The following KMT2A variants were observed in gnomAD, a reference collection of about 807,000 sequenced individuals.
KMT2A encodes the protein histone-lysine N-methyltransferase 2A.
KMT2A carries 16 observed loss-of-function variants against 345.3 expected under a neutral mutation model. That is an observed-to-expected ratio of 0.05 (90% CI 0.03 to 0.07). KMT2A has a LOEUF of 0.07. Ranked by LOEUF, KMT2A falls within the 10% of genes least tolerant of loss-of-function variation. The pLI is 1.00. For missense variants in KMT2A, 3,272 were observed against 4,841.6 expected, an observed-to-expected ratio of 0.68 and a Z score of 9.62; for synonymous variants, 1,599 against 1,778.6, an observed-to-expected ratio of 0.90 and a Z score of 2.54.
intron 1 of KMT2A, among the ~76,000 whole-genome samples, chr11:118,451,737 C>T (rs1555029002): frequency 6.6e-6 from 1 of 151,696 alleles, no homozygotes; most frequent in Non-Finnish European, 1.5e-5. Flanking sequence ...AGCAGTCGTC[C>T]TGCCTTGACC....
Position 118,436,718 on chromosome 11 carries a change from G to A in KMT2A, c.206G>A (p.Ser69Asn), listed in dbSNP as rs1361403705. The A allele has an allele frequency of 1.4e-5, 20 of 1,403,372 alleles. No individual in the cohort carries two copies. The highest frequency in any genetic ancestry group is 2.5e-5 in the Admixed American group (1 of 39,608). 86.9% of individuals were successfully genotyped at this position (1,403,372 alleles called of 1,614,324 possible). The change falls in exon 1 of 36, where the codon AGC becomes AAC. Residue 69 changes from serine (S) to asparagine (N), a missense_variant. By Grantham distance (46) the Ser-to-Asn change is conservative. Transcript: ENST00000534358. The surrounding 1 kb of genome is among the most constrained non-coding windows in gnomAD (Gnocchi z 6.9). ...AVAAAAAAAG[S>N]SGAGVPGGAA... ...GCGGCCGCGGCGGCGGCGGCGGGAA[G>A]CAGCGGGGCTGGGGTTCCAGGGGGA...
rs1273831305 is a variant in KMT2A at position 118,525,229 on chromosome 11, C to A, written c.*3057C>A. ...TTCCCAAGAATCCCCCAAGGGGCAT[C>A]CCAAATCCCTGAGGAGTAACAGCTG... On this transcript the variant is annotated 3_prime_UTR_variant, in exon 36 of 36. Coordinates refer to ENST00000534358, the MANE Select transcript of KMT2A (RefSeq NM_001197104.2). 4.3e-6 allele frequency: 1 copy of A among 231,622 alleles called. No individual in the cohort carries two copies. The allele number at this position is 231,622 out of a possible 1,614,324, so 14.3% of individuals were successfully genotyped here.
intron 1 of KMT2A, among the ~76,000 whole-genome samples, chr11:118,454,008 C>T (rs1203941763): frequency 6.6e-6 from 1 of 152,164 alleles, no homozygotes; most frequent in East Asian, 1.9e-4. Context: ...CACATCTATC[C>T]CATCAGCAAA....
intron 30 of KMT2A, among the ~76,000 whole-genome samples, chr11:118,511,329 G>GATGACCCTAAAT (rs1233123516): frequency 6.6e-6 from 1 of 152,168 alleles, no homozygotes; most frequent in East Asian, 1.9e-4. Flanking sequence ...TGACCCTAAA[G>GATGACCCTAAAT]ATTCAGGCCT....
In KMT2A at chr11:118,487,615, A is replaced by C. The variant is rs940887406; in HGVS notation, c.4333-999A>C. ...CCTGTAGATACACATGTATCTAAAA[A>C]TTTGAGAACAAGTTGCAGACATAAA... On this transcript the variant is annotated intron_variant, in intron 10 of 35. Transcript: ENST00000534358. Among the ~76,000 whole-genome samples, 13 of 152,342 alleles carry C rather than the reference A, an allele frequency of 8.5e-5. 1 individual carries two copies. The South Asian group carries it at 2.5e-3, about 29-fold the overall frequency.
In KMT2A at chr11:118,500,025, A is replaced by G. The variant is rs538394110; in HGVS notation, c.6158+112A>G. The G allele has an allele frequency of 1.0e-5, 7 of 675,742 alleles. No homozygotes were observed. In the African/African-American group the frequency reaches 1.3e-4, roughly 12 times the overall value. 41.9% of individuals were successfully genotyped at this position (675,742 alleles called of 1,614,324 possible). The stretch of plus-strand genomic sequence containing the variant: ...CTGTTAGCTACTTTAAACTGCTACT[A>G]AAAATTAATCACTTATTTTGCTAGT... On this transcript the variant is annotated intron_variant, in intron 24 of 35. Transcript: ENST00000534358.
At chr11:118,469,711 C>T (rs563537718) in intron 2 of KMT2A, among the ~76,000 whole-genome samples, 3 of 152,298 alleles carry the variant, frequency 2.0e-5, no homozygotes, top group African/African-American at 7.2e-5. Flanking sequence ...TGTGGATAGA[C>T]ACTCCAGCTA....
rs961670105 is a variant in KMT2A at position 118,505,449 on chromosome 11, G to C, written c.9557G>C (p.Gly3186Ala). Residue 3186 changes from glycine (G) to alanine (A), a missense_variant, in exon 27 of 36, where the codon GGC becomes GCC. Physicochemically the swap from Gly to Ala is moderately conservative, Grantham distance 60. Around this residue, in one of 27 missense-constraint regions of KMT2A, gnomAD observed 748 missense variants for 922.2 expected, o/e 0.81. Coordinates refer to ENST00000534358, the MANE Select transcript of KMT2A (RefSeq NM_001197104.2). The surrounding 1 kb of genome is among the most constrained non-coding windows in gnomAD (Gnocchi z 4.6). ...CCAAACATCAGCAATCCTCCTTCAG[G>C]CCTGCTTATTGGGGTTCAGCCTCCT... ...FPPNISNPPS[G>A]LLIGVQPPPD... 2 of 1,614,096 alleles carry C rather than the reference G, an allele frequency of 1.2e-6. 1 individual carries two copies. The highest frequency in any genetic ancestry group is 1.7e-6 in the Non-Finnish European group (2 of 1,180,032).
rs1555047359 is a variant in KMT2A at position 118,504,703 on chromosome 11, G to A, written c.8811G>A (p.Leu2937=). ...AGCTACCATCTGATCTGTCTGTCTTGACCACCCGGAGTCCCACTGTCCCCA... is the reference window on the plus strand; with the variant it reads ...AGCTACCATCTGATCTGTCTGTCTTAACCACCCGGAGTCCCACTGTCCCCA... ...PLELPSDLSV[L]TTRSPTVPSQ... The change falls in exon 27 of 36, where the codon TTG becomes TTA. Residue 2937 remains leucine (L), a synonymous_variant. Coordinates refer to ENST00000534358, the MANE Select transcript of KMT2A (RefSeq NM_001197104.2). The surrounding 1 kb of genome is among the most constrained non-coding windows in gnomAD (Gnocchi z 6.4). The A allele has an allele frequency of 6.2e-7, 1 of 1,614,084 alleles. No individual in the cohort carries two copies. Among genetic ancestry groups the A allele is most frequent in the East Asian group, 2.2e-5 (1 of 44,876 alleles).
At position 118,521,322 on chromosome 11, in the gene KMT2A, A is replaced by C. The variant is rs782253584; in HGVS notation, c.11548A>C (p.Arg3850=). 15 of 1,614,090 alleles carry C rather than the reference A, an allele frequency of 9.3e-6. No homozygotes were observed. The South Asian group carries it at 1.3e-4, about 14-fold the overall frequency. ...PIHGRGLFCK[R]NIDAGEMVIE... is the part of the protein sequence containing the mutation. ...CCATGGCCGGGGTCTTTTCTGTAAG[A>C]GAAACATTGATGCAGGTGAGATGGT... Residue 3850 remains arginine, a synonymous_variant, in exon 35 of 36, where the codon AGA becomes CGA. Coordinates refer to ENST00000534358, the MANE Select transcript of KMT2A (RefSeq NM_001197104.2). This position sits in a 1 kb window ranked among gnomAD's most constrained non-coding sequence, Gnocchi z 5.3.
At position 118,503,752 on chromosome 11, in the gene KMT2A, C is replaced by T. The variant is rs2134394797; in HGVS notation, c.7860C>T (p.Pro2620=). The T allele has an allele frequency of 1.2e-6, 2 of 1,614,180 alleles. No homozygotes were observed. The highest frequency in any genetic ancestry group is 1.7e-6 in the Non-Finnish European group (2 of 1,180,034). Residue 2620 remains proline (P), a synonymous_variant, in exon 27 of 36, where the codon CCC becomes CCT. Coordinates refer to ENST00000534358, the MANE Select transcript of KMT2A (RefSeq NM_001197104.2). The surrounding 1 kb of genome is among the most constrained non-coding windows in gnomAD (Gnocchi z 5.3). ...QEDGSFKRRY[P]RRSARARSNM... ...ATGGCTCTTTTAAAAGGAGGTATCCCCGTCGCAGTGCCCGTGCACGTTCTA... is the reference window on the plus strand; with the variant it reads ...ATGGCTCTTTTAAAAGGAGGTATCCTCGTCGCAGTGCCCGTGCACGTTCTA...
Position 118,525,110 on chromosome 11 carries a change from G to A in KMT2A, c.*2938G>A, listed in dbSNP as rs560562240. 2 of 223,486 alleles carry A rather than the reference G, an allele frequency of 8.9e-6. No homozygotes were observed. The highest frequency in any genetic ancestry group is 1.8e-4 in the South Asian group (1 of 5,454). The allele number at this position is 223,486 out of a possible 1,614,324, so 13.8% of individuals were successfully genotyped here. ...TACAAGAGGGAAAGAAGGCAAAAAC[G>A]GCACAGCTATCTCCAAACACATCTG... On this transcript the variant is annotated 3_prime_UTR_variant, in exon 36 of 36. Transcript: ENST00000534358.
chr11:118,485,020 T>C, intron 10 of KMT2A, 45 bp downstream of exon 10: 1 of 1,170,838 alleles, frequency 8.5e-7, no homozygotes, highest in Non-Finnish European at 1.3e-6. Context: ...ACATAAATTA[T>C]TTTTCTGTGG....
chr11:118,505,966 T>C lies in KMT2A; in HGVS notation c.10074T>C (p.Ser3358=), dbSNP rs782266039. Residue 3358 remains serine (S), a synonymous_variant, in exon 27 of 36, where the codon AGT becomes AGC. Coordinates refer to ENST00000534358, the MANE Select transcript of KMT2A (RefSeq NM_001197104.2). This position sits in a 1 kb window ranked among gnomAD's most constrained non-coding sequence, Gnocchi z 4.6. The stretch of plus-strand genomic sequence containing the variant: ...AAACTACCACAACCCCTACAAGTAG[T>C]GCGTCAGTTCCAGGACACGTCACCT... ...SMQTTTTPTS[S]ASVPGHVTLT... 3 of 1,614,056 alleles carry C rather than the reference T, an allele frequency of 1.9e-6. No individual in the cohort carries two copies. The highest frequency in any genetic ancestry group is 1.3e-5 in the African/African-American group (1 of 74,924).
rs1565298637 is a variant in KMT2A, at chr11:118,498,087, G to A, written c.5802+14G>A. The A allele has an allele frequency of 6.2e-7, 1 of 1,609,438 alleles. No individual in the cohort carries two copies. Reference sequence around the variant, plus strand: ...GGCAAGCAGCTGGTAAGACCTTATGGGTAAATTTTATGAAAGAGATTCCCT... The same window carrying A: ...GGCAAGCAGCTGGTAAGACCTTATGAGTAAATTTTATGAAAGAGATTCCCT... On this transcript the variant is annotated intron_variant, in intron 21 of 35. Transcript: ENST00000534358. The surrounding 1 kb of genome is among the most constrained non-coding windows in gnomAD (Gnocchi z 4.4).
At position 118,494,562 on chromosome 11, in the gene KMT2A, C is replaced by A; in HGVS notation, c.5290-132C>A. The stretch of plus-strand genomic sequence containing the variant: ...TTTGAGAGGAACTTGGTGAGGTTGC[C>A]AGAGTGGATGGATCTTTCTCTTGGT... On this transcript the variant is annotated intron_variant, in intron 17 of 35. Coordinates refer to ENST00000534358, the MANE Select transcript of KMT2A (RefSeq NM_001197104.2). This position sits in a 1 kb window ranked among gnomAD's most constrained non-coding sequence, Gnocchi z 5.8. 1.1e-6 allele frequency: 1 copy of A among 900,562 alleles called. No individual in the cohort carries two copies. The highest frequency in any genetic ancestry group is 1.7e-6 in the Non-Finnish European group (1 of 577,728). 55.8% of individuals were successfully genotyped at this position (900,562 alleles called of 1,614,324 possible). A position where few individuals can be genotyped will look rare whatever the true frequency, so the allele number is the denominator to read the frequency against.
In KMT2A at chr11:118,436,676, C is replaced by T. The variant is rs1555138545; in HGVS notation, c.164C>T (p.Pro55Leu). Residue 55 changes from proline (P) to leucine (L), a missense_variant, in exon 1 of 36, where the codon CCC becomes CTC. By Grantham distance (98) the Pro-to-Leu change is moderately conservative (BLOSUM62 -3). Transcript: ENST00000534358. The surrounding 1 kb of genome is among the most constrained non-coding windows in gnomAD (Gnocchi z 6.9). ...GGCGGTGGCGGCCCCGGGGCGCCCC[C>T]CTCCCCCCCGGCTGTGGCGGCCGCG... is the stretch of plus-strand genomic sequence containing the variant. Reference protein sequence around the residue: ...PVGGGGPGAPPSPPAVAAAAA... With the variant: ...PVGGGGPGAPLSPPAVAAAAA... 1.6e-6 allele frequency: 2 copies of T among 1,242,932 alleles called. No homozygotes were observed. Among genetic ancestry groups the T allele is most frequent in the Non-Finnish European group, 2.0e-6 (2 of 991,982 alleles). The allele number at this position is 1,242,932 out of a possible 1,614,324, so 77.0% of individuals were successfully genotyped here.
Position 118,436,892 on chromosome 11 carries a change from G to T in KMT2A, c.380G>T (p.Arg127Leu). 1.3e-6 allele frequency: 2 copies of T among 1,587,952 alleles called. No homozygotes were observed. The highest frequency in any genetic ancestry group is 1.7e-6 in the Non-Finnish European group (2 of 1,167,206). Residue 127 changes from arginine to leucine, a missense_variant, in exon 1 of 36, where the codon CGC (arginine) becomes CTC (leucine). Arg to Leu is a moderately radical substitution (Grantham distance 102). Coordinates refer to ENST00000534358, the MANE Select transcript of KMT2A (RefSeq NM_001197104.2). This position sits in a 1 kb window ranked among gnomAD's most constrained non-coding sequence, Gnocchi z 6.9. Reference protein sequence around the residue: ...QVSAAIGTNLRRFRAVFGESG... With the variant: ...QVSAAIGTNLLRFRAVFGESG... ...TCGGCCGCCATCGGCACCAACCTGCGCCGGTTCCGGGCCGTGTTTGGGGAG... is the reference window on the plus strand; with the variant it reads ...TCGGCCGCCATCGGCACCAACCTGCTCCGGTTCCGGGCCGTGTTTGGGGAG...
rs1277404806 is a variant in KMT2A at position 118,525,887 on chromosome 11, G to A, written c.*3715G>A. 2.7e-5 allele frequency: 6 copies of A among 224,816 alleles called. No individual in the cohort carries two copies. Among genetic ancestry groups the A allele is most frequent in the South Asian group, 1.8e-4 (1 of 5,448 alleles). 13.9% of individuals were successfully genotyped at this position (224,816 alleles called of 1,614,324 possible). On this transcript the variant is annotated 3_prime_UTR_variant, in exon 36 of 36. Transcript: ENST00000534358. ...TTTTAAAGCAATACAAGGTTATGGAGCAGATGGTTTTGTGCCGAATCATGA... is the reference window on the plus strand; with the variant it reads ...TTTTAAAGCAATACAAGGTTATGGAACAGATGGTTTTGTGCCGAATCATGA...
Sources: allele counts gnomAD v4.1 joint callset (sites outside exome capture counted in the v4.1 genomes callset), GRCh38; gene constraint gnomAD v4.1.1; regional missense constraint gnomAD v4.1.1; non-coding constraint Gnocchi (gnomAD v3.1); transcripts MANE v1.5; gene names NCBI Gene and HGNC (gene_info 2026-07-23, HGNC 2026-07-21).